Variants in CADPS2 observed in about 807,000 individuals in gnomAD.
The protein encoded by CADPS2 is calcium-dependent secretion activator 2.
In CADPS2, 93 loss-of-function variants were observed where a neutral mutation model predicts 172.5. That is an observed-to-expected ratio of 0.54 (90% CI 0.46 to 0.64). The LOEUF (loss-of-function observed/expected upper bound fraction) is 0.64, where lower values mean the gene tolerates loss of function less well. Among genes scored for constraint, CADPS2 ranks in the 30% least tolerant of loss-of-function variants. CADPS2 has a pLI of 0.00. For synonymous variants in CADPS2, 546 were observed against 555.2 expected, an observed-to-expected ratio of 0.98 and a Z score of 0.23; for missense variants, 1,420 against 1,565.9, an observed-to-expected ratio of 0.91 and a Z score of 1.57.
chr7:122,429,614 T>C (rs887155461), intron 17 of CADPS2, among the ~76,000 whole-genome samples: 1 of 152,126 alleles, frequency 6.6e-6, no homozygotes, highest in African/African-American at 2.4e-5. Context: ...AATTCTTTAA[T>C]TACCTGTTCA....
At chr7:122,477,078 G>C (rs1233890673) in intron 12 of CADPS2, among the ~76,000 whole-genome samples, 1 of 150,058 alleles carries the variant, frequency 6.7e-6, no homozygotes, top group Non-Finnish European at 1.5e-5. Flanking sequence ...GAGAGAGAGA[G>C]AGAGGGAGAG....
At chr7:122,804,875 T>A (rs1306973391) in intron 1 of CADPS2, among the ~76,000 whole-genome samples, 1 of 152,200 alleles carries the variant, frequency 6.6e-6, no homozygotes, top group African/African-American at 2.4e-5. Flanking sequence ...ACCATATACT[T>A]AAAAATTAAA....
At chr7:122,365,801 G>A (rs935835217) in intron 25 of CADPS2, among the ~76,000 whole-genome samples, 3 of 152,164 alleles carry the variant, frequency 2.0e-5, no homozygotes, top group Non-Finnish European at 4.4e-5. Context: ...ACTGGTAGAA[G>A]GAAACATGAA....
At chr7:122,474,645 C>T in intron 12 of CADPS2, 128 bp from the exon 13 acceptor site, 1 of 844,028 alleles carries the variant, frequency 1.2e-6, no homozygotes, top group Non-Finnish European at 1.8e-6. Context: ...AAATATGATG[C>T]CAAGAGTTCA....
At chr7:122,489,516 T>C (rs1251364094) in intron 11 of CADPS2, among the ~76,000 whole-genome samples, 1 of 152,138 alleles carries the variant, frequency 6.6e-6, no homozygotes, top group Non-Finnish European at 1.5e-5. Flanking sequence ...GCATCAGTCA[T>C]TTAAAATTAA....
chr7:122,640,484 C>A (rs1377253716), intron 3 of CADPS2, among the ~76,000 whole-genome samples: 5 of 143,302 alleles, frequency 3.5e-5, no homozygotes, highest in African/African-American at 1.0e-4. Context: ...CACACACACA[C>A]ACACACAGAG....
chr7:122,372,469 G>T (rs188221529), intron 25 of CADPS2, among the ~76,000 whole-genome samples: 2 of 152,312 alleles, frequency 1.3e-5, no homozygotes, highest in Admixed American at 1.3e-4. Context: ...TTAGTACTGT[G>T]TGTGATTGAG....
intron 24 of CADPS2, among the ~76,000 whole-genome samples, chr7:122,382,469 T>C (rs1768123372): frequency 1.3e-5 from 2 of 152,120 alleles, no homozygotes; most frequent in African/African-American, 4.8e-5. Context: ...TTAAACTAGT[T>C]CATAAAAGCA....
intron 20 of CADPS2, among the ~76,000 whole-genome samples, chr7:122,398,617 T>A (rs1401455885): frequency 1.3e-5 from 2 of 152,172 alleles, no homozygotes; most frequent in African/African-American, 2.4e-5. Context: ...TCGCTCTCCA[T>A]GTTGACAAAT....
chr7:122,701,347 A>G lies in CADPS2; in HGVS notation c.453+35608T>C, dbSNP rs2086045150. Among the ~76,000 whole-genome samples the G allele has an allele frequency of 6.6e-5, 10 of 152,248 alleles. No individual in the cohort carries two copies. The South Asian group carries it at 2.1e-3, about 32-fold the overall frequency. ...CAGCGAACTATCGCAAGGACAAAAAACCAAACACCGCATGTTCTCACTCAT... is the reference window on the plus strand; with the variant it reads ...CAGCGAACTATCGCAAGGACAAAAAGCCAAACACCGCATGTTCTCACTCAT... On this transcript the variant is annotated intron_variant, in intron 2 of 29. Coordinates refer to ENST00000449022, the MANE Select transcript of CADPS2 (RefSeq NM_017954.11).
At position 122,588,642 on chromosome 7, in the gene CADPS2, A is replaced by G. The variant is rs1343601034; in HGVS notation, c.1224-7352T>C. On this transcript the variant is annotated intron_variant, in intron 6 of 29. Coordinates refer to ENST00000449022, the MANE Select transcript of CADPS2 (RefSeq NM_017954.11). ...ATTCAGTATTTATTTGGTAGCATTG[A>G]TTCTGATATTCTCTTGGGAAGTAGA... Among the ~76,000 whole-genome samples, 4 of 152,100 alleles carry G rather than the reference A, an allele frequency of 2.6e-5. No individual in the cohort carries two copies. The South Asian group carries it at 6.2e-4, about 24-fold the overall frequency.
At chr7:122,486,858 GC>G (rs1330950460) in intron 11 of CADPS2, among the ~76,000 whole-genome samples, 1 of 152,102 alleles carries the variant, frequency 6.6e-6, no homozygotes, top group Non-Finnish European at 1.5e-5. Context: ...TCGGTCAGCA[GC>G]CATCAATGTT....
intron 17 of CADPS2, among the ~76,000 whole-genome samples, chr7:122,416,415 G>C (rs936984046): frequency 6.6e-6 from 1 of 152,040 alleles, no homozygotes; most frequent in African/African-American, 2.4e-5. Flanking sequence ...CACATTAGAT[G>C]CTCAACTTCT....
chr7:122,719,535 C>G (rs1340479986), intron 2 of CADPS2, among the ~76,000 whole-genome samples: 1 of 152,134 alleles, frequency 6.6e-6, no homozygotes, highest in African/African-American at 2.4e-5. Context: ...CTCCACTTTC[C>G]TTCCTAACAT....
At chr7:122,613,916 C>G (rs1404479018) in intron 6 of CADPS2, among the ~76,000 whole-genome samples, 1 of 151,838 alleles carries the variant, frequency 6.6e-6, no homozygotes, top group Admixed American at 6.6e-5. Context: ...GCAAAATAAA[C>G]AGGTAATTAA....
chr7:122,606,391 C>T (rs2073546492), intron 6 of CADPS2, among the ~76,000 whole-genome samples: 1 of 152,092 alleles, frequency 6.6e-6, no homozygotes, highest in African/African-American at 2.4e-5. Flanking sequence ...CTATGTATTC[C>T]TGGGGAAGTT....
At chr7:122,882,602 A>G (rs1289597144) in intron 1 of CADPS2, among the ~76,000 whole-genome samples, 1 of 148,826 alleles carries the variant, frequency 6.7e-6, no homozygotes, top group Non-Finnish European at 1.5e-5. Flanking sequence ...CTAACTTTCA[A>G]ACCACCAAGG....
intron 14 of CADPS2, among the ~76,000 whole-genome samples, chr7:122,469,862 A>G (rs1183079174): frequency 3.3e-5 from 5 of 152,108 alleles, no homozygotes; most frequent in Admixed American, 6.6e-5. Context: ...CATCTAGCAC[A>G]TAAGTATATA....
intron 1 of CADPS2, among the ~76,000 whole-genome samples, chr7:122,763,103 G>A (rs2093442746): frequency 6.6e-6 from 1 of 151,998 alleles, no homozygotes; most frequent in African/African-American, 2.4e-5. Context: ...GGATGATATG[G>A]GAAAATTAAT....
Sources: allele counts gnomAD v4.1 joint callset (sites outside exome capture counted in the v4.1 genomes callset), GRCh38; gene constraint gnomAD v4.1.1; transcripts MANE v1.5; gene names NCBI Gene and HGNC (gene_info 2026-07-23, HGNC 2026-07-21).